Variants in ASMTL observed in about 807,000 individuals in gnomAD.
The protein encoded by ASMTL is acetylserotonin O-methyltransferase like.
ASMTL carries 57 observed loss-of-function variants against 60.3 expected under a neutral mutation model. The observed-to-expected ratio is 0.95, with a 90% confidence interval of 0.76 to 1.18. The LOEUF (loss-of-function observed/expected upper bound fraction) is 1.18, where lower values mean the gene tolerates loss of function less well. Ranked by LOEUF, ASMTL falls within the 50% of genes most tolerant of loss-of-function variation. The probability of loss-of-function intolerance (pLI) is 0.00; values close to 1 mark genes in which losing one functional copy is unlikely to be tolerated. For synonymous variants in ASMTL, 419 were observed against 373.0 expected (o/e 1.12, Z -1.42); for missense variants, 981 against 852.6 (o/e 1.15, Z -1.88).
At chrX:1,425,778 G>A (rs5989884) in intron 7 of ASMTL, 91 bp from the exon 8 acceptor site, 983,839 of 1,354,290 alleles carry the variant, frequency 0.73, 360,622 homozygotes, top group South Asian at 0.86. Flanking sequence ...CAACGCTGTC[G>A]GAAGTATACA....
chrX:1,451,845 CA>C (rs1236203605), intron 1 of ASMTL, among the ~76,000 whole-genome samples: 1 of 145,718 alleles, frequency 6.9e-6, no homozygotes, highest in African/African-American at 2.6e-5. Context: ...TCCCCATCCC[CA>C]TCCATGGGGC....
At chrX:1,414,942 A>T (rs867715096) in intron 11 of ASMTL, among the ~76,000 whole-genome samples, 1 of 151,274 alleles carries the variant, frequency 6.6e-6, no homozygotes, top group Non-Finnish European at 1.5e-5. Flanking sequence ...CTCTTTTTTT[A>T]TTTTTTTATT....
intron 1 of ASMTL, among the ~76,000 whole-genome samples, chrX:1,450,059 C>CCA (rs1192864784): frequency 1.2e-3 from 178 of 150,632 alleles, no homozygotes; most frequent in Non-Finnish European, 2.1e-3. Flanking sequence ...AACTATCCTT[C>CCA]CATCACCAGT....
At chrX:1,411,758 G>C (rs868691835) in intron 12 of ASMTL, among the ~76,000 whole-genome samples, 3 of 148,392 alleles carry the variant, frequency 2.0e-5, no homozygotes, top group African/African-American at 5.0e-5. Flanking sequence ...TTTATCATGA[G>C]CCACTTCAAC....
At chrX:1,411,813 T>TC (rs1393302775) in intron 12 of ASMTL, among the ~76,000 whole-genome samples, 11 of 104,906 alleles carry the variant, frequency 1.0e-4, no homozygotes, top group South Asian at 5.8e-4. Context: ...TTTCTTTTTT[T>TC]TTTTTTTTTT....
chrX:1,430,550 C>T (rs765768744), intron 6 of ASMTL, among the ~76,000 whole-genome samples: 22 of 152,032 alleles, frequency 1.4e-4, no homozygotes, highest in African/African-American at 4.6e-4. Context: ...GTGGAAGGAT[C>T]GCCTGAGCCC....
Position 1,418,121 on chromosome X carries a change from G to T in ASMTL, c.1379-5C>A. On this transcript the variant is annotated splice_polypyrimidine_tract_variant and splice_region_variant and intron_variant, in intron 10 of 12. Coordinates refer to ENST00000381317, the MANE Select transcript of ASMTL (RefSeq NM_004192.4). ...GGGCCAGTGCACCCGTGCAGCCTGC[G>T]GGGAAGCAAATGCATGCTCTGTGGC... 1 of 1,589,930 alleles carries T rather than the reference G, an allele frequency of 6.3e-7. No individual in the cohort carries two copies. Among genetic ancestry groups the T allele is most frequent in the Non-Finnish European group, 8.6e-7 (1 of 1,165,298 alleles).
At chrX:1,416,001 C>G (rs2090233126) in intron 11 of ASMTL, among the ~76,000 whole-genome samples, 1 of 151,256 alleles carries the variant, frequency 6.6e-6, no homozygotes, top group Admixed American at 6.6e-5. Context: ...ACAGATACAG[C>G]AAGACAGGCA....
intron 11 of ASMTL, among the ~76,000 whole-genome samples, chrX:1,417,512 G>GAT (rs1352832245): frequency 1.6e-5 from 1 of 63,146 alleles, no homozygotes; most frequent in Non-Finnish European, 4.1e-5. Context: ...CACAGATACA[G>GAT]ACACAGACAT....
At chrX:1,443,261 G>A (rs62635784) in intron 1 of ASMTL, among the ~76,000 whole-genome samples, 9,012 of 11,818 alleles carry the variant, frequency 0.76, 3,255 homozygotes, top group Middle Eastern at 0.95. Flanking sequence ...ACACGCCGCC[G>A]TCTTGGACAC....
intron 5 of ASMTL, among the ~76,000 whole-genome samples, chrX:1,434,601 C>T (rs757703841): frequency 1.1e-4 from 16 of 151,260 alleles, no homozygotes; most frequent in African/African-American, 3.9e-4. Context: ...GTCAGGAGTT[C>T]GAGACCAGCC....
chrX:1,445,853 T>A (rs1185509006), intron 1 of ASMTL, among the ~76,000 whole-genome samples: 3 of 151,982 alleles, frequency 2.0e-5, no homozygotes, highest in African/African-American at 7.3e-5. Flanking sequence ...GGGGACATGG[T>A]GAGGTGCGAC....
intron 9 of ASMTL, among the ~76,000 whole-genome samples, chrX:1,420,267 CTCTG>C (rs1291551128): frequency 6.6e-6 from 1 of 151,586 alleles, no homozygotes; most frequent in Non-Finnish European, 1.5e-5. Context: ...CTCACTCTAT[CTCTG>C]TCTCTGTCTT....
intron 11 of ASMTL, chrX:1,413,859 C>G (rs1235760381): frequency 6.6e-6 from 1 of 150,432 alleles, no homozygotes; most frequent in Non-Finnish European, 1.5e-5. Context: ...CCTGGAGCCC[C>G]CAGGAGCTGG....
intron 11 of ASMTL, among the ~76,000 whole-genome samples, chrX:1,417,309 G>A (rs866141185): frequency 1.6e-5 from 2 of 121,494 alleles, no homozygotes; most frequent in Non-Finnish European, 3.6e-5. Flanking sequence ...GCACACAGAC[G>A]CACATACACA....
chrX:1,433,389 C>G (rs370008611), intron 5 of ASMTL, among the ~76,000 whole-genome samples: 16 of 144,920 alleles, frequency 1.1e-4, no homozygotes, highest in Admixed American at 1.4e-4. Context: ...GAAGGGACCG[C>G]GCGCGGTGGC....
chrX:1,421,503 G>A (rs1225203890), intron 9 of ASMTL, 155 bp downstream of exon 9: 2 of 255,394 alleles, frequency 7.8e-6, no homozygotes, highest in African/African-American at 4.6e-5. Flanking sequence ...TGACACAAGA[G>A]CCACGGCACT....
intron 6 of ASMTL, 31 bp downstream of exon 6, chrX:1,432,238 C>T (rs2090813674): frequency 1.9e-6 from 3 of 1,545,966 alleles, no homozygotes; most frequent in East Asian, 2.3e-5. Context: ...CCACACGTGT[C>T]CCCCGTCCCC....
At chrX:1,416,332 C>CACAT (rs1197787417) in intron 11 of ASMTL, among the ~76,000 whole-genome samples, 1 of 130,346 alleles carries the variant, frequency 7.7e-6, no homozygotes, top group Non-Finnish European at 1.7e-5. Flanking sequence ...CACACACACA[C>CACAT]GGACATACAG....
Sources: gnomAD v4.1 joint callset for allele counts (sites outside exome capture counted in the v4.1 genomes callset) on GRCh38, gnomAD v4.1.1 for gene constraint, MANE v1.5 for transcripts, NCBI Gene and HGNC (gene_info 2026-07-23, HGNC 2026-07-21) for gene names.